Variants in ETF1 observed in about 807,000 individuals in gnomAD.
ETF1 encodes the protein eukaryotic translation termination factor 1, also known as eukaryotic peptide chain release factor subunit 1.
In ETF1, 4 loss-of-function variants were observed where a neutral mutation model predicts 55.1. The ratio of observed to expected loss-of-function variants is 0.07; its 90% confidence interval spans 0.04 to 0.17. The LOEUF (loss-of-function observed/expected upper bound fraction) is 0.17, where lower values mean the gene tolerates loss of function less well. Among genes scored for constraint, ETF1 ranks in the 10% least tolerant of loss-of-function variants. The pLI is 1.00. For missense variants in ETF1, 142 were observed against 523.6 expected, an observed-to-expected ratio of 0.27 and a Z score of 7.11; for synonymous variants, 157 against 182.3, an observed-to-expected ratio of 0.86 and a Z score of 1.12.
chr5:138,510,742 A>AT lies in ETF1; in HGVS notation c.1019-114dup, dbSNP rs1296222437. On this transcript the variant is annotated intron_variant, in intron 8 of 10. Coordinates refer to ENST00000360541, the MANE Select transcript of ETF1 (RefSeq NM_004730.4). ...GGGCTCAGGGACTCAATCTCTCAAC[A>AT]TTTTTTCCATAAACATGTTAGCATA... The AT allele has an allele frequency of 1.9e-5, 27 of 1,412,340 alleles. 1 individual carries two copies. The highest frequency in any genetic ancestry group is 2.6e-5 in the Non-Finnish European group (27 of 1,052,738). 87.5% of individuals were successfully genotyped at this position (1,412,340 alleles called of 1,614,324 possible).
intron 2 of ETF1, among the ~76,000 whole-genome samples, chr5:138,525,582 T>G (rs1413081716): frequency 6.6e-6 from 1 of 152,176 alleles, no homozygotes; most frequent in African/African-American, 2.4e-5. Context: ...TAGCTACCAG[T>G]ATAAATTGAG....
intron 7 of ETF1, 86 bp from the exon 8 acceptor site, chr5:138,511,286 A>G: frequency 6.4e-7 from 1 of 1,552,288 alleles, no homozygotes; most frequent in East Asian, 2.3e-5. Context: ...TGACTAAAGA[A>G]GATAAAAAAT....
At position 138,507,213 on chromosome 5, in the gene ETF1, G is replaced by GTA. The variant is rs1168333992; in HGVS notation, c.*1090_*1091dup. On this transcript the variant is annotated 3_prime_UTR_variant, in exon 11 of 11. Coordinates refer to ENST00000360541, the MANE Select transcript of ETF1 (RefSeq NM_004730.4). Reference sequence around the variant, plus strand: ...CTAATTTCTCATGTGAGAAGTGCTTGTAAGTCCCACATTTGAAACAGATGC... The same window carrying GTA: ...CTAATTTCTCATGTGAGAAGTGCTTGTATAAGTCCCACATTTGAAACAGATGC... 7.5e-6 allele frequency: 1 copy of GTA among 133,190 alleles called. No homozygotes were observed. Among genetic ancestry groups the GTA allele is most frequent in the Non-Finnish European group, 1.6e-5 (1 of 63,780 alleles). The allele number at this position is 133,190 out of a possible 1,614,324, so 8.3% of individuals were successfully genotyped here.
chr5:138,521,065 A>G (rs1045993389), intron 2 of ETF1, among the ~76,000 whole-genome samples: 9 of 152,210 alleles, frequency 5.9e-5, no homozygotes, highest in Admixed American at 2.0e-4. Context: ...ACAATAGCCT[A>G]GAGGTGGAAG....
chr5:138,509,894 C>CAAAAAAAA, intron 9 of ETF1, among the ~76,000 whole-genome samples: 1 of 66,438 alleles, frequency 1.5e-5, no homozygotes, highest in Admixed American at 1.9e-4. Context: ...AACTCCACCT[C>CAAAAAAAA]AAAAAAAAAA....
chr5:138,513,112 C>G (rs992200885), intron 5 of ETF1, 158 bp from the exon 6 acceptor site: 1 of 985,286 alleles, frequency 1.0e-6, no homozygotes, highest in Non-Finnish European at 1.2e-6. Flanking sequence ...TACTTGTTTT[C>G]AGAGAGCGAC....
chr5:138,539,076 G>A (rs1766068245), intron 2 of ETF1, among the ~76,000 whole-genome samples: 1 of 152,154 alleles, frequency 6.6e-6, no homozygotes, highest in Admixed American at 6.6e-5. Flanking sequence ...TCAAACAAGG[G>A]TTATGGTTAT....
rs1201930103 is a variant in ETF1 at position 138,512,231 on chromosome 5, T to C, written c.732+533A>G. Among the ~76,000 whole-genome samples the C allele has an allele frequency of 1.8e-4, 2 of 10,836 alleles. 1 individual carries two copies. The highest frequency in any genetic ancestry group is 0.011 in the East Asian group (2 of 188). 7.1% of individuals were successfully genotyped at this position (10,836 alleles called of 152,430 possible). On this transcript the variant is annotated intron_variant, in intron 6 of 10. Transcript: ENST00000360541. ...AAAAAAAAAAAAAAAAAAAAATATA[T>C]ATATATATATATATATATATATATA...
intron 5 of ETF1, chr5:138,513,313 C>T: frequency 3.4e-6 from 2 of 587,644 alleles, no homozygotes; most frequent in Non-Finnish European, 4.3e-6. Context: ...CTCAATGCAA[C>T]CTCCGTCTCC....
In ETF1 at chr5:138,506,867, A is replaced by C. The variant is rs1430869681; in HGVS notation, c.*1438T>G. On this transcript the variant is annotated 3_prime_UTR_variant, in exon 11 of 11. Coordinates refer to ENST00000360541, the MANE Select transcript of ETF1 (RefSeq NM_004730.4). The stretch of plus-strand genomic sequence containing the variant: ...ACAGCAGTCAGGCACTAAAGTGTTA[A>C]AAGTACCCAATTTGAAAACCAAATG... 2 of 152,666 alleles carry C rather than the reference A, an allele frequency of 1.3e-5. No homozygotes were observed. The highest frequency in any genetic ancestry group is 2.9e-5 in the Non-Finnish European group (2 of 68,058). 9.5% of individuals were successfully genotyped at this position (152,666 alleles called of 1,614,324 possible).
In ETF1 at chr5:138,506,634, CAG is replaced by C. The variant is rs1461510464; in HGVS notation, c.*1669_*1670del. ...AACACCAAATAATGGACTCTTCTCA[CAG>C]GGGGTTGAGACATCAGGTTACACAT... On this transcript the variant is annotated 3_prime_UTR_variant, in exon 11 of 11. Transcript: ENST00000360541. The C allele has an allele frequency of 2.0e-5, 3 of 152,648 alleles. No individual in the cohort carries two copies. The highest frequency in any genetic ancestry group is 4.4e-5 in the Non-Finnish European group (3 of 68,044). The allele number at this position is 152,648 out of a possible 1,614,324, so 9.5% of individuals were successfully genotyped here. A position where few individuals can be genotyped will look rare whatever the true frequency, so the allele number is the denominator to read the frequency against.
At chr5:138,525,147 G>C (rs1765414032) in intron 2 of ETF1, among the ~76,000 whole-genome samples, 1 of 151,388 alleles carries the variant, frequency 6.6e-6, no homozygotes, top group Admixed American at 6.6e-5. Flanking sequence ...AGAAAAACCA[G>C]CTTACTATTA....
intron 2 of ETF1, chr5:138,541,748 T>G: frequency 3.2e-6 from 1 of 317,326 alleles, no homozygotes; most frequent in Non-Finnish European, 4.5e-6. Context: ...TGTAATAATG[T>G]TCCAAACACT....
At chr5:138,518,919 T>C (rs1765126057) in intron 2 of ETF1, 52 bp from the exon 3 acceptor site, 1 of 1,595,238 alleles carries the variant, frequency 6.3e-7, no homozygotes, top group African/African-American at 1.3e-5. Flanking sequence ...GTAAGTAAAC[T>C]CATGTTTCTC....
chr5:138,541,600 TC>T (rs1290144264), intron 2 of ETF1: 24 of 1,530,656 alleles, frequency 1.6e-5, no homozygotes, highest in Non-Finnish European at 2.0e-5. Context: ...GGGCTGTCAT[TC>T]TAAAATTGCA....
rs868723328 is a variant in ETF1, at chr5:138,519,500, A to T, written c.87-633T>A. On this transcript the variant is annotated intron_variant, in intron 2 of 10. Coordinates refer to ENST00000360541, the MANE Select transcript of ETF1 (RefSeq NM_004730.4). ...AACAGAGTGAAACCTCGTCTCAATT[A>T]AAAAAAAAAAAAATTCGCTGGGCAT... Among the ~76,000 whole-genome samples the T allele has an allele frequency of 1.4e-3, 202 of 142,846 alleles. 1 individual carries two copies. Among genetic ancestry groups the T allele is most frequent in the Middle Eastern group, 7.2e-3 (2 of 276 alleles). The allele number at this position is 142,846 out of a possible 152,430, so 93.7% of individuals were successfully genotyped here.
intron 2 of ETF1, among the ~76,000 whole-genome samples, chr5:138,541,003 T>TG (rs1228511993): frequency 6.6e-6 from 1 of 152,256 alleles, no homozygotes; most frequent in African/African-American, 2.4e-5. Flanking sequence ...TTTTTTGGAC[T>TG]GTTTCAGAGA....
chr5:138,517,754 A>G, intron 3 of ETF1, 54 bp from the exon 4 acceptor site: 1 of 1,362,596 alleles, frequency 7.3e-7, no homozygotes, highest in South Asian at 2.2e-5. Context: ...GTTTTTCGTC[A>G]ATTAATAGAA....
intron 9 of ETF1, 88 bp downstream of exon 9, chr5:138,510,477 T>TC: frequency 1.1e-6 from 1 of 924,742 alleles, no homozygotes; most frequent in Non-Finnish European, 1.7e-6. Context: ...AGGTTTGGTT[T>TC]CCCAAAGCTC....
Sources: gnomAD v4.1 joint callset for allele counts (sites outside exome capture counted in the v4.1 genomes callset) on GRCh38, gnomAD v4.1.1 for gene constraint, MANE v1.5 for transcripts, NCBI Gene and HGNC (gene_info 2026-07-23, HGNC 2026-07-21) for gene names.